The following MYO3A variants were observed in gnomAD, a reference collection of about 807,000 sequenced individuals.
The protein encoded by MYO3A is myosin-IIIa.
In MYO3A, 180 loss-of-function variants were observed where a neutral mutation model predicts 192.7. The observed-to-expected ratio is 0.93, with a 90% CI of 0.83 to 1.06. The LOEUF is 1.06. Ranked by LOEUF, MYO3A falls within the 50% of genes least tolerant of loss-of-function variation. MYO3A has a pLI of 0.00. For synonymous variants in MYO3A, 628 were observed against 645.3 expected, an observed-to-expected ratio of 0.97 and a Z score of 0.41; for missense variants, 1,896 against 1,905.0, an observed-to-expected ratio of 1.00 and a Z score of 0.09.
At chr10:25,956,837 C>T (rs534806222) in intron 4 of MYO3A, among the ~76,000 whole-genome samples, 1 of 152,076 alleles carries the variant, frequency 6.6e-6, no homozygotes, top group South Asian at 2.1e-4. Flanking sequence ...ATTTCATCAC[C>T]AAGGTGTTAA....
chr10:26,049,868 G>T (rs1351181193), intron 10 of MYO3A, among the ~76,000 whole-genome samples: 1 of 151,652 alleles, frequency 6.6e-6, no homozygotes, highest in African/African-American at 2.4e-5. Flanking sequence ...TAGAAATGGG[G>T]TTTCACCATG....
Position 26,049,650 on chromosome 10 carries a change from ATTCTTTCTTTCT to A in MYO3A, c.954-17310_954-17299del, listed in dbSNP as rs751350009. On this transcript the variant is annotated intron_variant, in intron 10 of 34. Transcript: ENST00000642920. ...GGAGGCAGAGTGATGCAAAGATGAA[ATTCTTTCTTTCT>A]TTCTTTCTTTCTTTTTTTTTTTTTT... Among the ~76,000 whole-genome samples, 639 of 116,274 alleles carry A rather than the reference ATTCTTTCTTTCT, an allele frequency of 5.5e-3. 31 individuals are homozygous for A. The highest frequency in any genetic ancestry group is 7.2e-3 in the Non-Finnish European group (403 of 56,236). 76.3% of individuals were successfully genotyped at this position (116,274 alleles called of 152,430 possible).
intron 20 of MYO3A, among the ~76,000 whole-genome samples, chr10:26,141,812 A>C (rs1589027303): frequency 6.6e-6 from 1 of 152,138 alleles, no homozygotes; most frequent in Non-Finnish European, 1.5e-5. Flanking sequence ...TAGACCATCT[A>C]TTCTTCTCAT....
intron 4 of MYO3A, among the ~76,000 whole-genome samples, chr10:25,994,384 C>G (rs1840279461): frequency 1.3e-5 from 2 of 152,284 alleles, no homozygotes; most frequent in South Asian, 4.1e-4. Flanking sequence ...TCCTCTATCC[C>G]TTTATTTTGA....
chr10:25,969,808 C>G (rs1427252445), intron 4 of MYO3A, among the ~76,000 whole-genome samples: 1 of 152,120 alleles, frequency 6.6e-6, no homozygotes, highest in Non-Finnish European at 1.5e-5. Context: ...ACTACAAACA[C>G]ACTTTAAATA....
intron 2 of MYO3A, among the ~76,000 whole-genome samples, chr10:25,943,471 A>T (rs1192834866): frequency 6.6e-6 from 1 of 152,162 alleles, no homozygotes; most frequent in Non-Finnish European, 1.5e-5. Flanking sequence ...TTTGGGAAAT[A>T]TTGACATTTA....
Position 26,192,588 on chromosome 10 carries a change from C to T in MYO3A, c.4439-617C>T, listed in dbSNP as rs149413577. On this transcript the variant is annotated intron_variant, in intron 31 of 34. Coordinates refer to ENST00000642920, the MANE Select transcript of MYO3A (RefSeq NM_017433.5). ...CTCTGAACTGCTCTATTCAATTCCA[C>T]GTGACCAAACTATGCATTCTTTCTC... 8.6e-5 allele frequency among the ~76,000 whole-genome samples: 13 copies of T among 151,966 alleles called. No individual in the cohort carries two copies. The East Asian group carries it at 2.5e-3, about 29-fold the overall frequency.
intron 17 of MYO3A, among the ~76,000 whole-genome samples, chr10:26,098,929 T>C (rs1326596888): frequency 1.3e-5 from 2 of 152,188 alleles, no homozygotes; most frequent in Non-Finnish European, 2.9e-5. Flanking sequence ...TTTAAAGTAG[T>C]TTTTTCCAAT....
chr10:25,988,798 G>T (rs1283791451), intron 4 of MYO3A, among the ~76,000 whole-genome samples: 1 of 152,014 alleles, frequency 6.6e-6, no homozygotes, highest in Non-Finnish European at 1.5e-5. Flanking sequence ...AATGTGCAAA[G>T]AAGCCAAATA....
chr10:25,961,056 T>C (rs1364454877), intron 4 of MYO3A, among the ~76,000 whole-genome samples: 1 of 152,198 alleles, frequency 6.6e-6, no homozygotes, highest in Non-Finnish European at 1.5e-5. Flanking sequence ...GTTTGCATAT[T>C]TGAGAAGTAC....
intron 19 of MYO3A, among the ~76,000 whole-genome samples, chr10:26,125,983 G>A (rs1484755180): frequency 6.6e-6 from 1 of 151,852 alleles, no homozygotes; most frequent in Non-Finnish European, 1.5e-5. Flanking sequence ...TTTTTATTTT[G>A]AAGGTTTAAA....
chr10:25,963,318 C>A (rs1838056736), intron 4 of MYO3A, among the ~76,000 whole-genome samples: 1 of 152,120 alleles, frequency 6.6e-6, no homozygotes, highest in Non-Finnish European at 1.5e-5. Context: ...ATACTACTTT[C>A]ATGTGTCATG....
chr10:26,057,501 G>C (rs1474974039), intron 10 of MYO3A, among the ~76,000 whole-genome samples: 2 of 152,202 alleles, frequency 1.3e-5, no homozygotes, highest in Non-Finnish European at 2.9e-5. Context: ...GAGTGAGTTT[G>C]TGTTAGTTTC....
At chr10:26,025,408 C>G (rs1309650600) in intron 9 of MYO3A, among the ~76,000 whole-genome samples, 1 of 151,906 alleles carries the variant, frequency 6.6e-6, no homozygotes, top group African/African-American at 2.4e-5. Context: ...TTAAAGGGGT[C>G]TTGGAAAGTT....
chr10:25,994,093 G>A (rs1418616555), intron 4 of MYO3A, among the ~76,000 whole-genome samples: 2 of 152,138 alleles, frequency 1.3e-5, no homozygotes, highest in Non-Finnish European at 2.9e-5. Context: ...TCGTTGATCT[G>A]TCTAATGTTG....
At chr10:25,942,233 C>T (rs899665547) in intron 2 of MYO3A, among the ~76,000 whole-genome samples, 2 of 152,106 alleles carry the variant, frequency 1.3e-5, no homozygotes, top group African/African-American at 4.8e-5. Context: ...AACTCCCGAC[C>T]TCAAGTGATC....
At chr10:26,108,709 A>G (rs1837981072) in intron 17 of MYO3A, among the ~76,000 whole-genome samples, 1 of 152,204 alleles carries the variant, frequency 6.6e-6, no homozygotes, top group African/African-American at 2.4e-5. Flanking sequence ...CTCTGAAGAC[A>G]GGAATCTCTC....
At chr10:25,975,733 T>C (rs1270202764) in intron 4 of MYO3A, among the ~76,000 whole-genome samples, 1 of 151,962 alleles carries the variant, frequency 6.6e-6, no homozygotes, top group Non-Finnish European at 1.5e-5. Flanking sequence ...CTGAATGGAG[T>C]TTATTTCAGG....
chr10:26,146,215 A>G (rs551797902), intron 22 of MYO3A, among the ~76,000 whole-genome samples: 4 of 152,350 alleles, frequency 2.6e-5, no homozygotes, highest in South Asian at 4.1e-4. Flanking sequence ...TTCCTTCTGC[A>G]GAGAATGACA....
Sources: gnomAD v4.1 joint callset for allele counts (sites outside exome capture counted in the v4.1 genomes callset) on GRCh38, gnomAD v4.1.1 for gene constraint, MANE v1.5 for transcripts, NCBI Gene and HGNC (gene_info 2026-07-23, HGNC 2026-07-21) for gene names.